Variants in MIS18BP1 observed in about 807,000 individuals in gnomAD.
The protein encoded by MIS18BP1 is MIS18 binding protein 1, also known as mis18-binding protein 1.
Under a neutral mutation model 116.1 loss-of-function variants are expected in MIS18BP1, and 72 were observed. The observed-to-expected ratio is 0.62, with a 90% CI of 0.51 to 0.75. The LOEUF (loss-of-function observed/expected upper bound fraction) is 0.75. Among genes scored for constraint, MIS18BP1 ranks in the 30% least tolerant of loss-of-function variants. The pLI is 0.00. For missense variants in MIS18BP1, 1,363 were observed against 1,303.2 expected (o/e 1.05, Z -0.71); for synonymous variants, 386 against 427.0 (o/e 0.90, Z 1.18).
chr14:45,203,961 A>T lies in MIS18BP1; in HGVS notation c.*148T>A. On this transcript the variant is annotated 3_prime_UTR_variant, in exon 17 of 17. Transcript: ENST00000310806. ...TAAGCTGCAGCAATGAGGATATTTT[A>T]CTTTGAACACAAACATATGAAACCT... is the stretch of plus-strand genomic sequence containing the variant. The T allele has an allele frequency of 8.5e-7, 1 of 1,169,734 alleles. No homozygotes were observed. Among genetic ancestry groups the T allele is most frequent in the Non-Finnish European group, 1.2e-6 (1 of 868,896 alleles). 72.5% of individuals were successfully genotyped at this position (1,169,734 alleles called of 1,614,324 possible). A position where few individuals can be genotyped will look rare whatever the true frequency, so the allele number is the denominator to read the frequency against.
At chr14:45,212,348 A>G (rs1890698336) in intron 13 of MIS18BP1, among the ~76,000 whole-genome samples, 1 of 152,170 alleles carries the variant, frequency 6.6e-6, no homozygotes, top group South Asian at 2.1e-4. Flanking sequence ...AAACACCGTT[A>G]GCTTCCTCCA....
chr14:45,221,067 G>A (rs573606281), intron 11 of MIS18BP1, among the ~76,000 whole-genome samples: 81 of 152,050 alleles, frequency 5.3e-4, no homozygotes, highest in Middle Eastern at 3.4e-3. Flanking sequence ...CCCAGGAGGC[G>A]GAGGTTGCAG....
At chr14:45,226,616 C>A in intron 10 of MIS18BP1, 127 bp downstream of exon 10, 1 of 802,676 alleles carries the variant, frequency 1.2e-6, no homozygotes. Context: ...CAAAACCAAA[C>A]ATTTAAAAAC....
Position 45,235,878 on chromosome 14 carries a change from C to A in MIS18BP1, c.1284G>T (p.Arg428Ser). ...IIERIEHNKLRTISGNVYILK... is the reference protein window; with the variant it reads ...IIERIEHNKLSTISGNVYILK... The stretch of plus-strand genomic sequence containing the variant: ...ATATATAAACGTTGCCTGATATAGT[C>A]CTAAGTTTGTTGTGCTCAATCCGCT... The change falls in exon 6 of 17, where the codon AGG becomes AGT. Residue 428 changes from arginine (R) to serine (S), a missense_variant. By Grantham distance (110) the Arg-to-Ser change is moderately radical. Coordinates refer to ENST00000310806, the MANE Select transcript of MIS18BP1 (RefSeq NM_018353.5). 1 of 1,611,404 alleles carries A rather than the reference C, an allele frequency of 6.2e-7. No homozygotes were observed. Among genetic ancestry groups the A allele is most frequent in the Non-Finnish European group, 8.5e-7 (1 of 1,178,416 alleles).
At chr14:45,206,462 T>G (rs1890520954) in intron 14 of MIS18BP1, 1 of 240,860 alleles carries the variant, frequency 4.2e-6, no homozygotes, top group South Asian at 6.1e-5. Context: ...AATCTTTGTA[T>G]TTTTCTTAAG....
In MIS18BP1 at chr14:45,242,510, T is replaced by A; in HGVS notation, c.667A>T (p.Thr223Ser). ...PLHNLTYELP[T>S]LNQEQENFLA... ...AAATTTTCCTGTTCTTGGTTCAGAG[T>A]TGGAAGTTCTGCAAAAAATACAAAA... The change falls in exon 4 of 17, where the codon ACT becomes TCT. Residue 223 changes from threonine to serine, a missense_variant. Transcript: ENST00000310806. The A allele has an allele frequency of 6.3e-7, 1 of 1,575,586 alleles. No homozygotes were observed. Among genetic ancestry groups the A allele is most frequent in the Non-Finnish European group, 8.6e-7 (1 of 1,168,048 alleles).
intron 4 of MIS18BP1, among the ~76,000 whole-genome samples, chr14:45,239,654 A>G (rs1891523197): frequency 6.6e-6 from 1 of 152,206 alleles, no homozygotes; most frequent in Non-Finnish European, 1.5e-5. Context: ...ACAAAATTTG[A>G]TATTTTAAGG....
In MIS18BP1 at chr14:45,224,446, C is replaced by G. The variant is rs745986866; in HGVS notation, c.2141G>C (p.Cys714Ser). ...EGHKSKNKED[C>S]DERDLLTVNR... ...GACAGTAAGTAAGTCACGTTCATCG[C>G]AATCTTCCTTGTTTTTACTTTTATG... The change falls in exon 11 of 17, where the codon TGC becomes TCC. Residue 714 changes from cysteine to serine, a missense_variant. By Grantham distance (112) the Cys-to-Ser change is moderately radical. Coordinates refer to ENST00000310806, the MANE Select transcript of MIS18BP1 (RefSeq NM_018353.5). 1 of 1,613,934 alleles carries G rather than the reference C, an allele frequency of 6.2e-7. No homozygotes were observed. The highest frequency in any genetic ancestry group is 8.5e-7 in the Non-Finnish European group (1 of 1,179,992).
intron 7 of MIS18BP1, 44 bp from the exon 8 acceptor site, chr14:45,231,342 A>G: frequency 6.8e-7 from 1 of 1,478,064 alleles, no homozygotes; most frequent in Non-Finnish European, 9.1e-7. Context: ...CTGATTCTCA[A>G]AAAAACAAAA....
At chr14:45,237,575 C>A in intron 5 of MIS18BP1, 73 bp downstream of exon 5, 2 of 1,495,028 alleles carry the variant, frequency 1.3e-6, no homozygotes, top group Non-Finnish European at 1.8e-6. Flanking sequence ...GATGCTATTT[C>A]TCATGCATTA....
chr14:45,231,234 T>G lies in MIS18BP1; in HGVS notation c.1501A>C (p.Ile501Leu). The change falls in exon 8 of 17, where the codon ATA (isoleucine) becomes CTA (leucine). Residue 501 changes from isoleucine to leucine, a missense_variant. Coordinates refer to ENST00000310806, the MANE Select transcript of MIS18BP1 (RefSeq NM_018353.5). ...KQKTGRSVRD[I>L]RKSMKNDARE... Reference sequence around the variant, plus strand: ...GCATCATTTTTCATTGATTTCCTTATGTCACGGACAGATCTTCCAGTTTTC... The same window carrying G: ...GCATCATTTTTCATTGATTTCCTTAGGTCACGGACAGATCTTCCAGTTTTC... The G allele has an allele frequency of 6.2e-7, 1 of 1,613,810 alleles. No homozygotes were observed. Among genetic ancestry groups the G allele is most frequent in the Non-Finnish European group, 8.5e-7 (1 of 1,179,762 alleles).
chr14:45,219,916 G>A (rs939653623), intron 11 of MIS18BP1, among the ~76,000 whole-genome samples: 11 of 152,100 alleles, frequency 7.2e-5, no homozygotes, highest in Non-Finnish European at 1.5e-4. Context: ...GGTTATTCCA[G>A]ATAATTTAAA....
chr14:45,237,517 C>T, intron 5 of MIS18BP1, 131 bp downstream of exon 5: 6 of 1,091,194 alleles, frequency 5.5e-6, no homozygotes, highest in Non-Finnish European at 7.5e-6. Context: ...AGTAATTTTA[C>T]TTTTTTGCCT....
At chr14:45,236,772 T>C (rs1198125127) in intron 5 of MIS18BP1, among the ~76,000 whole-genome samples, 1 of 152,158 alleles carries the variant, frequency 6.6e-6, no homozygotes, top group Non-Finnish European at 1.5e-5. Context: ...CACAACTAAC[T>C]AGGTAAGTAA....
intron 1 of MIS18BP1, among the ~76,000 whole-genome samples, chr14:45,247,903 T>C (rs1891765088): frequency 6.6e-6 from 1 of 152,034 alleles, no homozygotes. Context: ...TTTTTTATGC[T>C]CCAGAGCATT....
rs758866821 is a variant in MIS18BP1 at position 45,246,842 on chromosome 14, T to G, written c.445A>C (p.Thr149Pro). Residue 149 changes from threonine (T) to proline (P), a missense_variant, in exon 2 of 17, where the codon ACT becomes CCT. By Grantham distance (38) the Thr-to-Pro change is conservative (BLOSUM62 -1). Transcript: ENST00000310806. ...PQKSGNNETF[T>P]PNRVEKKKLQ... ...TTTTTTTTTTCAACTCTGTTAGGAG[T>G]GAAGGTTTCATTATTTCCACTTTTC... The G allele has an allele frequency of 6.2e-7, 1 of 1,610,650 alleles. No individual in the cohort carries two copies. Among genetic ancestry groups the G allele is most frequent in the Non-Finnish European group, 8.5e-7 (1 of 1,179,236 alleles).
chr14:45,210,997 A>T (rs1391888517), intron 13 of MIS18BP1, among the ~76,000 whole-genome samples: 2 of 152,196 alleles, frequency 1.3e-5, no homozygotes, highest in Non-Finnish European at 2.9e-5. Context: ...CTCTTTATTC[A>T]GCCTGTAACC....
chr14:45,216,607 T>G (rs2139162250), intron 13 of MIS18BP1, among the ~76,000 whole-genome samples: 1 of 152,344 alleles, frequency 6.6e-6, no homozygotes, highest in Non-Finnish European at 1.5e-5. Context: ...ACTGAAATTT[T>G]TAGTTATTCT....
rs775227912 is a variant in MIS18BP1, at chr14:45,203,529, G to A, written c.*580C>T. The stretch of plus-strand genomic sequence containing the variant: ...AAAGCAATAAACTAAATTTACAAAG[G>A]TTTCATAGATATGCCTATCACAAGT... On this transcript the variant is annotated 3_prime_UTR_variant, in exon 17 of 17. Coordinates refer to ENST00000310806, the MANE Select transcript of MIS18BP1 (RefSeq NM_018353.5). The A allele has an allele frequency of 2.6e-5, 4 of 151,956 alleles. No individual in the cohort carries two copies. The highest frequency in any genetic ancestry group is 5.9e-5 in the Non-Finnish European group (4 of 67,962). 9.4% of individuals were successfully genotyped at this position (151,956 alleles called of 1,614,324 possible).
Sources: gnomAD v4.1 joint callset for allele counts (sites outside exome capture counted in the v4.1 genomes callset) on GRCh38, gnomAD v4.1.1 for gene constraint, MANE v1.5 for transcripts, NCBI Gene and HGNC (gene_info 2026-07-23, HGNC 2026-07-21) for gene names.